The following CCDC93 variants were observed in gnomAD, a reference collection of about 807,000 sequenced individuals.
CCDC93 encodes CCC complex scaffolding subunit CCDC93, also known as coiled-coil domain-containing protein 93.
Under a neutral mutation model 108.2 loss-of-function variants are expected in CCDC93, and 61 were observed. The observed-to-expected ratio is 0.56, with a 90% CI of 0.46 to 0.70. The LOEUF is 0.70. CCDC93 is among the 30% of genes least tolerant of loss of function. CCDC93 has a pLI of 0.00. For synonymous variants in CCDC93, 276 were observed against 260.4 expected (o/e 1.06, Z -0.58); for missense variants, 685 against 764.2 (o/e 0.90, Z 1.22).
intron 14 of CCDC93, 125 bp from the exon 15 acceptor site, chr2:117,948,311 G>A (rs1314723043): frequency 4.6e-6 from 3 of 646,144 alleles, no homozygotes; most frequent in South Asian, 1.9e-5. Context: ...CTCTAAGAGT[G>A]TCTCACAGAT....
intron 23 of CCDC93, among the ~76,000 whole-genome samples, chr2:117,928,117 G>A (rs1346746053): frequency 1.3e-5 from 2 of 152,030 alleles, no homozygotes; most frequent in South Asian, 2.1e-4. Flanking sequence ...AATTCAAGAC[G>A]GATTAAAGAC....
intron 21 of CCDC93, 51 bp from the exon 22 acceptor site, chr2:117,935,630 G>A (rs1206727466): frequency 7.6e-7 from 1 of 1,317,316 alleles, no homozygotes. Context: ...CTCTGAGGCA[G>A]GGGGAAATGC....
intron 22 of CCDC93, chr2:117,934,660 G>C (rs992593968): frequency 6.6e-6 from 1 of 152,466 alleles, no homozygotes. Context: ...TCTGTAACAG[G>C]GTTTTTTATG....
intron 3 of CCDC93, among the ~76,000 whole-genome samples, chr2:118,002,978 C>T (rs1435480188): frequency 6.6e-6 from 1 of 152,196 alleles, no homozygotes; most frequent in Non-Finnish European, 1.5e-5. Flanking sequence ...TTTGAGGCTG[C>T]AGAGAGCTAA....
chr2:117,968,842 T>C (rs1433270719), intron 11 of CCDC93, among the ~76,000 whole-genome samples: 1 of 152,212 alleles, frequency 6.6e-6, no homozygotes, highest in East Asian at 1.9e-4. Flanking sequence ...TTTTCTCAGA[T>C]ACTACCAACA....
At position 117,941,215 on chromosome 2, in the gene CCDC93, T is replaced by C; in HGVS notation, c.1496A>G (p.Lys499Arg). 1 of 1,612,836 alleles carries C rather than the reference T, an allele frequency of 6.2e-7. No individual in the cohort carries two copies. The highest frequency in any genetic ancestry group is 8.5e-7 in the Non-Finnish European group (1 of 1,178,814). ...PSRAELIQYQKRFIELYRQIS... is the reference protein window; with the variant it reads ...PSRAELIQYQRRFIELYRQIS... ...CTGGCGGTAGAGTTCAATAAATCTC[T>C]TCTGATACTGTATTAGCTCGGCACG... The change falls in exon 19 of 24, where the codon AAG (lysine) becomes AGG (arginine). Residue 499 changes from lysine to arginine, a missense_variant. Physicochemically the swap from Lys to Arg is conservative, Grantham distance 26 (BLOSUM62 2). Transcript: ENST00000376300.
rs1677807912 is a variant in CCDC93 at position 117,920,061 on chromosome 2, T to C, written c.*282A>G. 3.3e-6 allele frequency: 1 copy of C among 306,884 alleles called. No homozygotes were observed. Among genetic ancestry groups the C allele is most frequent in the East Asian group, 5.2e-5 (1 of 19,290 alleles). 19.0% of individuals were successfully genotyped at this position (306,884 alleles called of 1,614,324 possible). ...AATACAGGTACCTTCATAAGCGCAA[T>C]GTTACTGGAGACATAAAAGTTGAAT... On this transcript the variant is annotated 3_prime_UTR_variant, in exon 24 of 24. Coordinates refer to ENST00000376300, the MANE Select transcript of CCDC93 (RefSeq NM_019044.5).
rs779307966 is a variant in CCDC93 at position 117,978,021 on chromosome 2, T to A, written c.630A>T (p.Gly210=). 1.9e-6 allele frequency: 3 copies of A among 1,613,874 alleles called. No homozygotes were observed. Among genetic ancestry groups the A allele is most frequent in the South Asian group, 1.1e-5 (1 of 91,076 alleles). The change falls in exon 8 of 24, where the codon GGA becomes GGT. Residue 210 remains glycine, a synonymous_variant. Coordinates refer to ENST00000376300, the MANE Select transcript of CCDC93 (RefSeq NM_019044.5). ...TCTCCATTTTGCTCTGGCGGCTAAA[T>A]CCATATCTCCTGCAGGCCACAAAAA... ...ATLLEYGRRY[G]FSRQSKMEKA...
intron 11 of CCDC93, among the ~76,000 whole-genome samples, chr2:117,964,938 A>C (rs1344469957): frequency 6.6e-6 from 1 of 152,186 alleles, no homozygotes; most frequent in Non-Finnish European, 1.5e-5. Context: ...GTGAGTCTCC[A>C]CAAAGTCTTC....
chr2:117,977,919 T>G, intron 8 of CCDC93, 75 bp downstream of exon 8: 83 of 1,372,000 alleles, frequency 6.0e-5, no homozygotes, highest in Non-Finnish European at 7.9e-5. Flanking sequence ...GCCCGGCTTG[T>G]GAGTGTTAGT....
intron 12 of CCDC93, among the ~76,000 whole-genome samples, chr2:117,954,144 C>T (rs1679147431): frequency 6.6e-6 from 1 of 152,200 alleles, no homozygotes; most frequent in South Asian, 2.1e-4. Context: ...CTTCACCCAC[C>T]TTCTTGTGTA....
chr2:117,948,451 T>C (rs1218440052), intron 14 of CCDC93, among the ~76,000 whole-genome samples: 1 of 152,242 alleles, frequency 6.6e-6, no homozygotes, highest in Non-Finnish European at 1.5e-5. Flanking sequence ...GAAACATCAA[T>C]GAGTTTCAAT....
intron 10 of CCDC93, 99 bp from the exon 11 acceptor site, chr2:117,974,093 TA>T (rs1679855078): frequency 1.3e-6 from 1 of 782,164 alleles, no homozygotes; most frequent in Non-Finnish European, 2.2e-6. Context: ...TCTATTATGG[TA>T]AAACATAATA....
chr2:117,918,150 C>T lies in CCDC93; in HGVS notation c.*2193G>A, dbSNP rs1314978370. 4 of 152,134 alleles carry T rather than the reference C, an allele frequency of 2.6e-5. No individual in the cohort carries two copies. The highest frequency in any genetic ancestry group is 2.1e-4 in the South Asian group (1 of 4,826). 9.4% of individuals were successfully genotyped at this position (152,134 alleles called of 1,614,324 possible). ...TGGGGCATCTCCTTACCCTATACGG[C>T]TTCACCAAAAAGTCATGTAACATCC... is the stretch of plus-strand genomic sequence containing the variant. On this transcript the variant is annotated 3_prime_UTR_variant, in exon 24 of 24. Transcript: ENST00000376300.
chr2:117,995,698 C>T (rs1680625722), intron 5 of CCDC93, 196 bp from the exon 6 acceptor site: 2 of 533,912 alleles, frequency 3.7e-6, no homozygotes, highest in East Asian at 6.2e-5. Flanking sequence ...CAACATAGAT[C>T]CCTACACAGC....
At chr2:117,979,978 G>A (rs1274086392) in intron 7 of CCDC93, among the ~76,000 whole-genome samples, 1 of 151,908 alleles carries the variant, frequency 6.6e-6, no homozygotes, top group African/African-American at 2.4e-5. Context: ...GTGTTGGTGT[G>A]GATCACAGTA....
chr2:117,952,887 A>G (rs1679103107), intron 12 of CCDC93, among the ~76,000 whole-genome samples: 1 of 152,222 alleles, frequency 6.6e-6, no homozygotes, highest in Admixed American at 6.5e-5. Context: ...AGATCCCAGC[A>G]TAAGACTGGT....
At chr2:117,957,192 A>T (rs1679248738) in intron 12 of CCDC93, among the ~76,000 whole-genome samples, 1 of 152,080 alleles carries the variant, frequency 6.6e-6, no homozygotes, top group Non-Finnish European at 1.5e-5. Context: ...CACCTGGCCC[A>T]TATTCATTCT....
chr2:117,994,576 A>G (rs1208696016), intron 6 of CCDC93, among the ~76,000 whole-genome samples: 1 of 152,198 alleles, frequency 6.6e-6, no homozygotes, highest in Non-Finnish European at 1.5e-5. Context: ...GCCAGTTTGG[A>G]ATTCTTTTTC....
Sources: allele counts gnomAD v4.1 joint callset (sites outside exome capture counted in the v4.1 genomes callset), GRCh38; gene constraint gnomAD v4.1.1; transcripts MANE v1.5; gene names NCBI Gene and HGNC (gene_info 2026-07-23, HGNC 2026-07-21).